HIRIP3: variants seen among roughly 807,000 people sequenced by gnomAD.
HIRIP3 encodes the protein HIRA-interacting protein 3.
In HIRIP3, 40 loss-of-function variants were observed where a neutral mutation model predicts 50.3. The ratio of observed to expected loss-of-function variants is 0.79; its 90% CI spans 0.62 to 1.03. The LOEUF is 1.03. Ranked by LOEUF, HIRIP3 falls within the 50% of genes least tolerant of loss-of-function variation. The pLI is 0.00. For missense variants in HIRIP3, 765 were observed against 705.4 expected (o/e 1.08, Z -0.96); for synonymous variants, 318 against 261.6 (o/e 1.22, Z -2.08).
Position 29,994,223 on chromosome 16 carries a change from C to G in HIRIP3, c.922G>C (p.Asp308His). ...AASSGDDSGR[D>H]REPPVQRKSE... Reference sequence around the variant, plus strand: ...TTCCTCTGCACTGGGGGTTCTCTATCTCTCCCACTGTCATCCCCACTGCTG... The same window carrying G: ...TTCCTCTGCACTGGGGGTTCTCTATGTCTCCCACTGTCATCCCCACTGCTG... Residue 308 changes from aspartate (D) to histidine (H), a missense_variant, in exon 4 of 7, where the codon GAT (aspartate) becomes CAT (histidine). Transcript: ENST00000279392. 1 of 1,614,050 alleles carries G rather than the reference C, an allele frequency of 6.2e-7. No homozygotes were observed. Among genetic ancestry groups the G allele is most frequent in the Non-Finnish European group, 8.5e-7 (1 of 1,179,950 alleles).
upstream of HIRIP3, chr16:29,995,919 C>A: frequency 1.8e-6 from 1 of 569,980 alleles, no homozygotes; most frequent in Non-Finnish European, 3.1e-6. Flanking sequence ...TCACTGGTCA[C>A]GGGCAACAGC....
In HIRIP3 at chr16:29,994,449, T is replaced by C; in HGVS notation, c.696A>G (p.Leu232=). The change falls in exon 4 of 7, where the codon CTA becomes CTG. Residue 232 remains leucine (L), a synonymous_variant. Transcript: ENST00000279392. ...CCTCTCTCTGCTCTTTCTTCTGGGCTAGGATCTCCTCTTCACTCTCCTGTT... is the reference window on the plus strand; with the variant it reads ...CCTCTCTCTGCTCTTTCTTCTGGGCCAGGATCTCCTCTTCACTCTCCTGTT... ...ESEQESEEEI[L]AQKKEQREEE... 6.2e-7 allele frequency: 1 copy of C among 1,614,050 alleles called. No homozygotes were observed. Among genetic ancestry groups the C allele is most frequent in the Non-Finnish European group, 8.5e-7 (1 of 1,179,946 alleles).
At chr16:29,993,598 G>A (rs371440185) in intron 5 of HIRIP3, 41 bp from the exon 6 acceptor site, 3 of 1,611,554 alleles carry the variant, frequency 1.9e-6, no homozygotes, top group Non-Finnish European at 2.5e-6. Flanking sequence ...TCCCCAGCAG[G>A]AAGGCCCTCT....
chr16:29,994,447 G>A lies in HIRIP3; in HGVS notation c.698C>T (p.Ala233Val). ...SEQESEEEIL[A>V]QKKEQREEEV... ...CTCCTCTCTCTGCTCTTTCTTCTGG[G>A]CTAGGATCTCCTCTTCACTCTCCTG... is the stretch of plus-strand genomic sequence containing the variant. The change falls in exon 4 of 7, where the codon GCC (alanine) becomes GTC (valine). Residue 233 changes from alanine to valine, a missense_variant. By Grantham distance (64) the Ala-to-Val change is moderately conservative. Transcript: ENST00000279392. The A allele has an allele frequency of 1.2e-6, 2 of 1,613,332 alleles. No individual in the cohort carries two copies. Among genetic ancestry groups the A allele is most frequent in the Non-Finnish European group, 1.7e-6 (2 of 1,179,728 alleles).
Position 29,994,188 on chromosome 16 carries a change from GT to G in HIRIP3, c.956del (p.Asp319AlafsTer11), listed in dbSNP as rs1385752537. 14 of 1,614,086 alleles carry G rather than the reference GT, an allele frequency of 8.7e-6. No homozygotes were observed. The highest frequency in any genetic ancestry group is 1.2e-5 in the Non-Finnish European group (14 of 1,180,000). Reference sequence around the variant, plus strand: ...TCTTCCCACCCTTAAGCTGGGTCCTGTCCTCACTCTTCCTCTGCACTGGGGG... The same window carrying G: ...TCTTCCCACCCTTAAGCTGGGTCCTGCCTCACTCTTCCTCTGCACTGGGGG... ...REPPVQRKSE[D>X]RTQLKGGKRL... On this transcript the variant is annotated frameshift_variant, in exon 4 of 7. Coordinates refer to ENST00000279392, the MANE Select transcript of HIRIP3 (RefSeq NM_003609.5). LOFTEE classifies it high-confidence loss of function.
chr16:29,993,439 A>G lies in HIRIP3; in HGVS notation c.1507+20T>C, dbSNP rs557702327. On this transcript the variant is annotated intron_variant, in intron 6 of 6. Transcript: ENST00000279392. ...CAACCCCACCTATCTGCTCCTGGGC[A>G]GTGAGAGGAAACCCCTTACCCGAGC... 240 of 1,604,794 alleles carry G rather than the reference A, an allele frequency of 1.5e-4. 1 individual carries two copies. The South Asian group carries it at 2.5e-3, about 17-fold the overall frequency.
rs748096853 is a variant in HIRIP3, at chr16:29,993,984, G to C, written c.1161C>G (p.Ser387=). 1 of 1,577,390 alleles carries C rather than the reference G, an allele frequency of 6.3e-7. No individual in the cohort carries two copies. The highest frequency in any genetic ancestry group is 8.6e-7 in the Non-Finnish European group (1 of 1,163,090). ...GPQGERKNRS[S]KKSSRKGRTR... ...TCCTGCCTTTCCTGGAGCTCTTCTT[G>C]GAAGAGCGGTTCTTCCTCTCCCCCT... is the stretch of plus-strand genomic sequence containing the variant. The change falls in exon 4 of 7, where the codon TCC becomes TCG. Residue 387 remains serine, a synonymous_variant. Transcript: ENST00000279392.
rs201341216 is a variant in HIRIP3 at position 29,993,528 on chromosome 16, G to T, written c.1438C>A (p.Leu480Met). 6.2e-7 allele frequency: 1 copy of T among 1,613,772 alleles called. No homozygotes were observed. The highest frequency in any genetic ancestry group is 8.5e-7 in the Non-Finnish European group (1 of 1,179,882). Reference protein sequence around the residue: ...GTPSLGKCRALKEQREEAAEV... With the variant: ...GTPSLGKCRAMKEQREEAAEV... ...GCTGCCTCCTCCCTCTGCTCCTTCAGGGCCCGACACTTCCCTAGGGAAGGG... is the reference window on the plus strand; with the variant it reads ...GCTGCCTCCTCCCTCTGCTCCTTCATGGCCCGACACTTCCCTAGGGAAGGG... Residue 480 changes from leucine to methionine, a missense_variant, in exon 6 of 7, where the codon CTG becomes ATG. By Grantham distance (15) the Leu-to-Met change is conservative. Transcript: ENST00000279392.
In HIRIP3 at chr16:29,993,126, T is replaced by C; in HGVS notation, c.*81A>G. 7.4e-7 allele frequency: 1 copy of C among 1,353,902 alleles called. No homozygotes were observed. The highest frequency in any genetic ancestry group is 1.6e-5 in the South Asian group (1 of 63,968). 83.9% of individuals were successfully genotyped at this position (1,353,902 alleles called of 1,614,324 possible). A position where few individuals can be genotyped will look rare whatever the true frequency, so the allele number is the denominator to read the frequency against. Reference sequence around the variant, plus strand: ...TGCAGTCTTCTCTGAAGGAAGCTGCTTCTGTTCCACAGACACAGGGCAAGG... The same window carrying C: ...TGCAGTCTTCTCTGAAGGAAGCTGCCTCTGTTCCACAGACACAGGGCAAGG... On this transcript the variant is annotated 3_prime_UTR_variant, in exon 7 of 7. Transcript: ENST00000279392.
At position 29,994,474 on chromosome 16, in the gene HIRIP3, T is replaced by C; in HGVS notation, c.671A>G (p.Glu224Gly). Reference protein sequence around the residue: ...NKGTKSLKESEQESEEEILAQ... With the variant: ...NKGTKSLKESGQESEEEILAQ... ...TAGGATCTCCTCTTCACTCTCCTGT[T>C]CACTTTCCTTCAGGCTTTTAGTTCC... Residue 224 changes from glutamate (E) to glycine (G), a missense_variant, in exon 4 of 7, where the codon GAA (glutamate) becomes GGA (glycine). By Grantham distance (98) the Glu-to-Gly change is moderately conservative. Transcript: ENST00000279392. 7 of 1,614,136 alleles carry C rather than the reference T, an allele frequency of 4.3e-6. No individual in the cohort carries two copies. The highest frequency in any genetic ancestry group is 5.9e-6 in the Non-Finnish European group (7 of 1,180,014).
At chr16:29,995,723 G>A, upstream of HIRIP3, 1 of 1,313,096 alleles carries the variant, frequency 7.6e-7, no homozygotes, top group Non-Finnish European at 1.1e-6. Flanking sequence ...GGGACCGTTG[G>A]CCCTTGGCCG....
rs772263892 is a variant in HIRIP3, at chr16:29,993,321, G to A, written c.1557C>T (p.Pro519=). The change falls in exon 7 of 7, where the codon CCC becomes CCT. Residue 519 remains proline (P), a synonymous_variant. Transcript: ENST00000279392. The part of the protein sequence containing the change: ...TAWNPLGEAA[P]PGELYRRTLD... Reference sequence around the variant, plus strand: ...GGGTCCGTCGGTACAGCTCCCCTGGGGGTGCTGCTTCTCCTAAAGGGTTCC... The same window carrying A: ...GGGTCCGTCGGTACAGCTCCCCTGGAGGTGCTGCTTCTCCTAAAGGGTTCC... 8 of 1,540,382 alleles carry A rather than the reference G, an allele frequency of 5.2e-6. No individual in the cohort carries two copies. In the African/African-American group the frequency reaches 8.3e-5, roughly 16 times the overall value.
In HIRIP3 at chr16:29,993,488, A is replaced by G; in HGVS notation, c.1478T>C (p.Leu493Ser). 1 of 1,613,786 alleles carries G rather than the reference A, an allele frequency of 6.2e-7. No homozygotes were observed. ...GCCACTGATGATGTTCGCAACATCC[A>G]AGGAGGCCACCTCAGCTGCCTCCTC... The part of the protein sequence containing the change: ...QREEAAEVAS[L>S]DVANIISGSG... Residue 493 changes from leucine to serine, a missense_variant, in exon 6 of 7, where the codon TTG (leucine) becomes TCG (serine). Physicochemically the swap from Leu to Ser is moderately radical, Grantham distance 145. Coordinates refer to ENST00000279392, the MANE Select transcript of HIRIP3 (RefSeq NM_003609.5).
At position 29,995,185 on chromosome 16, in the gene HIRIP3, C is replaced by A. The variant is rs1254960196; in HGVS notation, c.219G>T (p.Leu73=). 1.2e-6 allele frequency: 2 copies of A among 1,614,264 alleles called. No homozygotes were observed. The highest frequency in any genetic ancestry group is 1.7e-6 in the Non-Finnish European group (2 of 1,180,056). ...GCCTCTTGCCCTTCTTGGTAAGGTC[C>A]AGTTTGTCTTCCCTGGAAGCGGCTT... The part of the protein sequence containing the change: ...VDEAASREDK[L]DLTKKGKRPP... The change falls in exon 3 of 7, where the codon CTG becomes CTT. Residue 73 remains leucine, a synonymous_variant. Coordinates refer to ENST00000279392, the MANE Select transcript of HIRIP3 (RefSeq NM_003609.5).
In HIRIP3 at chr16:29,993,389, G is replaced by C. The variant is rs1014071878; in HGVS notation, c.1508-19C>G. On this transcript the variant is annotated intron_variant, in intron 6 of 6. Transcript: ENST00000279392. Reference sequence around the variant, plus strand: ...GGCCGGCCTAGGGGAAAGGGGAAACGAGAGATCAGATGTCTGAGAAGGTCC... The same window carrying C: ...GGCCGGCCTAGGGGAAAGGGGAAACCAGAGATCAGATGTCTGAGAAGGTCC... The C allele has an allele frequency of 3.2e-6, 5 of 1,567,576 alleles. No individual in the cohort carries two copies. In the Admixed American group the frequency reaches 7.2e-5, roughly 23 times the overall value.
In HIRIP3 at chr16:29,992,544, GCAGC is replaced by G. The variant is rs1241671788; in HGVS notation, c.*659_*662del. 1 of 152,228 alleles carries G rather than the reference GCAGC, an allele frequency of 6.6e-6. No homozygotes were observed. The highest frequency in any genetic ancestry group is 1.5e-5 in the Non-Finnish European group (1 of 68,062). 9.4% of individuals were successfully genotyped at this position (152,228 alleles called of 1,614,324 possible). ...CTCACGAATCTTCCCGCAAGCCTCA[GCAGC>G]CAGAGTTCAGTGGAGACCTCATGTG... On this transcript the variant is annotated 3_prime_UTR_variant, in exon 7 of 7. Coordinates refer to ENST00000279392, the MANE Select transcript of HIRIP3 (RefSeq NM_003609.5).
chr16:29,995,772 G>GT (rs1166028065), upstream of HIRIP3: 2 of 762,628 alleles, frequency 2.6e-6, no homozygotes, highest in Non-Finnish European at 2.1e-6. Context: ...GACGAGACTT[G>GT]TTTTCTCTGG....
In HIRIP3 at chr16:29,994,331, C is replaced by A; in HGVS notation, c.814G>T (p.Glu272Ter). ...RSNGRRKSAR[E>*]ERSCKQKSQA... The stretch of plus-strand genomic sequence containing the variant: ...CTTTTCTGCTTACAGCTCCTCTCCT[C>A]CCTAGCTGACTTTCTCCGGCCATTG... Residue 272 changes from glutamate (E) to a stop codon, truncating the protein, a stop_gained, in exon 4 of 7, where the codon GAG becomes TAG. Coordinates refer to ENST00000279392, the MANE Select transcript of HIRIP3 (RefSeq NM_003609.5). LOFTEE classifies it high-confidence loss of function. 2.5e-6 allele frequency: 4 copies of A among 1,614,160 alleles called. No individual in the cohort carries two copies. The highest frequency in any genetic ancestry group is 3.4e-6 in the Non-Finnish European group (4 of 1,180,028).
chr16:29,994,670 T>C lies in HIRIP3; in HGVS notation c.475A>G (p.Ser159Gly). 1 of 1,614,038 alleles carries C rather than the reference T, an allele frequency of 6.2e-7. No individual in the cohort carries two copies. The highest frequency in any genetic ancestry group is 1.1e-5 in the South Asian group (1 of 91,078). ...RDLPAQRGEE[S>G]SEEEEKGYKG... is the part of the protein sequence containing the mutation. Reference sequence around the variant, plus strand: ...TACCCCTTTTCCTCCTCCTCACTGCTCTCCTCTCCCCTCTGTGCGGGCAGG... The same window carrying C: ...TACCCCTTTTCCTCCTCCTCACTGCCCTCCTCTCCCCTCTGTGCGGGCAGG... The change falls in exon 4 of 7, where the codon AGC becomes GGC. Residue 159 changes from serine (S) to glycine (G), a missense_variant. By Grantham distance (56) the Ser-to-Gly change is moderately conservative (BLOSUM62 0). Coordinates refer to ENST00000279392, the MANE Select transcript of HIRIP3 (RefSeq NM_003609.5).
Sources: gnomAD v4.1 joint callset for allele counts on GRCh38, gnomAD v4.1.1 for gene constraint, MANE v1.5 for transcripts, NCBI Gene and HGNC (gene_info 2026-07-23, HGNC 2026-07-21) for gene names.